Variants in DGKG observed in about 807,000 individuals in gnomAD.
The protein encoded by DGKG is DAG kinase gamma.
DGKG carries 78 observed loss-of-function variants against 105.3 expected under a neutral mutation model. That is an observed-to-expected ratio of 0.74 (90% confidence interval 0.62 to 0.89). DGKG has a LOEUF of 0.89. Ranked by LOEUF, DGKG falls within the 40% of genes least tolerant of loss-of-function variation. DGKG has a pLI of 0.00. For synonymous variants in DGKG, 346 were observed against 367.1 expected (o/e 0.94, Z 0.66); for missense variants, 958 against 1,020.1 (o/e 0.94, Z 0.83).
intron 1 of DGKG, among the ~76,000 whole-genome samples, chr3:186,334,704 A>C (rs1208745162): frequency 6.6e-6 from 1 of 152,210 alleles, no homozygotes; most frequent in Non-Finnish European, 1.5e-5. Flanking sequence ...AGGTGGATAC[A>C]AATATTATGC....
chr3:186,148,835 T>G lies in DGKG; in HGVS notation c.*1255A>C. 4.1e-6 allele frequency: 4 copies of G among 985,288 alleles called. No homozygotes were observed. Among genetic ancestry groups the G allele is most frequent in the East Asian group, 1.1e-4 (1 of 8,798 alleles). 61.0% of individuals were successfully genotyped at this position (985,288 alleles called of 1,614,324 possible). A position where few individuals can be genotyped will look rare whatever the true frequency, so the allele number is the denominator to read the frequency against. On this transcript the variant is annotated 3_prime_UTR_variant, in exon 25 of 25. Transcript: ENST00000265022. ...AACCCTTGTGATCACCACAGGGAGATGCGTCCTGACAATGAAACGGTGGAG... is the reference window on the plus strand; with the variant it reads ...AACCCTTGTGATCACCACAGGGAGAGGCGTCCTGACAATGAAACGGTGGAG...
chr3:186,337,105 A>G (rs2108656866), intron 1 of DGKG, among the ~76,000 whole-genome samples: 1 of 152,340 alleles, frequency 6.6e-6, no homozygotes, highest in East Asian at 1.9e-4. Context: ...GAGCATAGAA[A>G]AATATGTTAA....
intron 3 of DGKG, among the ~76,000 whole-genome samples, chr3:186,306,429 G>A (rs58867613): frequency 0.026 from 3,933 of 152,078 alleles, 174 homozygotes; most frequent in African/African-American, 0.085. Flanking sequence ...GGGAGTCTGG[G>A]GAAGATATGT....
At chr3:186,234,550 T>C (rs533974140) in intron 20 of DGKG, among the ~76,000 whole-genome samples, 1 of 152,338 alleles carries the variant, frequency 6.6e-6, no homozygotes, top group East Asian at 1.9e-4. Context: ...AAACATAGCG[T>C]GCTTTCAAGT....
At chr3:186,171,193 G>A (rs1179425219) in intron 22 of DGKG, among the ~76,000 whole-genome samples, 1 of 152,092 alleles carries the variant, frequency 6.6e-6, no homozygotes, top group Non-Finnish European at 1.5e-5. Flanking sequence ...GTTGAAGGCA[G>A]GACTGTGTTC....
intron 3 of DGKG, among the ~76,000 whole-genome samples, chr3:186,302,481 T>TAC (rs1240113011): frequency 9.1e-5 from 1 of 11,030 alleles, no homozygotes; most frequent in South Asian, 2.3e-3. Flanking sequence ...TATATATATA[T>TAC]ATATATATAT....
intron 21 of DGKG, among the ~76,000 whole-genome samples, chr3:186,199,852 G>A (rs756774005): frequency 6.6e-6 from 1 of 152,132 alleles, no homozygotes; most frequent in East Asian, 1.9e-4. Context: ...ACATTGACTC[G>A]GTGACACTAA....
In DGKG at chr3:186,278,610, T is replaced by A. The variant is rs997095742; in HGVS notation, c.792+1241A>T. Among the ~76,000 whole-genome samples, 21 of 152,294 alleles carry A rather than the reference T, an allele frequency of 1.4e-4. 1 individual carries two copies. Among genetic ancestry groups the A allele is most frequent in the African/African-American group, 5.1e-4 (21 of 41,562 alleles). On this transcript the variant is annotated intron_variant, in intron 9 of 24. Transcript: ENST00000265022. ...AGGAATAAGAAGGGGGTCATGTAGA[T>A]CCTGGTTCCTTGATTTCTCCTTAGA...
At chr3:186,267,403 A>G (rs1722106484) in intron 13 of DGKG, among the ~76,000 whole-genome samples, 1 of 152,200 alleles carries the variant, frequency 6.6e-6, no homozygotes, top group Admixed American at 6.5e-5. Flanking sequence ...GCACAAACCC[A>G]ACAGAGAGGA....
chr3:186,243,716 G>A (rs1442781243), intron 19 of DGKG, among the ~76,000 whole-genome samples: 3 of 152,132 alleles, frequency 2.0e-5, no homozygotes, highest in Non-Finnish European at 4.4e-5. Context: ...CAGGCTAATT[G>A]AGCCGGAGAT....
At chr3:186,186,919 C>A (rs928382612) in intron 22 of DGKG, among the ~76,000 whole-genome samples, 1 of 152,178 alleles carries the variant, frequency 6.6e-6, no homozygotes, top group African/African-American at 2.4e-5. Flanking sequence ...AGTGGAAGGC[C>A]CAGCTGGTGG....
At chr3:186,312,101 C>T (rs1342648877) in intron 2 of DGKG, among the ~76,000 whole-genome samples, 5 of 91,306 alleles carry the variant, frequency 5.5e-5, no homozygotes, top group South Asian at 3.7e-4. Context: ...CCGGCCTGGG[C>T]GACAGAGCGA....
At chr3:186,355,579 C>T (rs990099733) in intron 1 of DGKG, among the ~76,000 whole-genome samples, 22 of 151,600 alleles carry the variant, frequency 1.5e-4, no homozygotes, top group African/African-American at 4.8e-4. Flanking sequence ...ATTACCCCCA[C>T]CACCATCACC....
chr3:186,320,525 G>A lies in DGKG; in HGVS notation c.-66C>T. 1 of 1,613,082 alleles carries A rather than the reference G, an allele frequency of 6.2e-7. No homozygotes were observed. The highest frequency in any genetic ancestry group is 8.5e-7 in the Non-Finnish European group (1 of 1,179,400). On this transcript the variant is annotated 5_prime_UTR_variant, in exon 2 of 25. Transcript: ENST00000265022. ...TTTTGTTCACTAGGCTGAAGTGGAG[G>A]CCCAGCCCAGGGCCTGGCTCATTGC...
At position 186,164,924 on chromosome 3, in the gene DGKG, C is replaced by T. The variant is rs1483068867; in HGVS notation, c.2190G>A (p.Leu730=). 1 of 1,613,634 alleles carries T rather than the reference C, an allele frequency of 6.2e-7. No individual in the cohort carries two copies. The highest frequency in any genetic ancestry group is 8.5e-7 in the Non-Finnish European group (1 of 1,179,912). Residue 730 remains leucine (L), a synonymous_variant, in exon 23 of 25, where the codon CTG becomes CTA. Coordinates refer to ENST00000265022, the MANE Select transcript of DGKG (RefSeq NM_001346.3). The stretch of plus-strand genomic sequence containing the variant: ...TGATGGTGACAGAGGCGCACTGGGC[C>T]AGCCTCCTGCCTGCACTCTTCAGGC... ...YTGLKSAGRR[L]AQCASVTIRT... is the part of the protein sequence containing the mutation.
intron 5 of DGKG, among the ~76,000 whole-genome samples, chr3:186,292,903 T>TAC (rs113256809): frequency 7.2e-5 from 11 of 152,084 alleles, no homozygotes; most frequent in South Asian, 4.1e-4. Flanking sequence ...ACAAGGAGAT[T>TAC]ACACACACAC....
chr3:186,251,574 A>G (rs1333142084), intron 19 of DGKG, among the ~76,000 whole-genome samples, 185 bp downstream of exon 19: 1 of 152,194 alleles, frequency 6.6e-6, no homozygotes, highest in Admixed American at 6.5e-5. Context: ...GAGATGGGGA[A>G]TAAAGCGGGG....
intron 1 of DGKG, among the ~76,000 whole-genome samples, chr3:186,333,302 C>T (rs1725686194): frequency 6.6e-6 from 1 of 152,172 alleles, no homozygotes; most frequent in African/African-American, 2.4e-5. Context: ...GTTTTGTAAT[C>T]ACTGCTTTAC....
intron 1 of DGKG, 37 bp from the exon 2 acceptor site, chr3:186,320,744 G>T: frequency 9.3e-6 from 3 of 323,330 alleles, no homozygotes; most frequent in East Asian, 5.3e-5. Context: ...AAATGAGAAT[G>T]TTAAAAAAAA....
Sources: gnomAD v4.1 joint callset for allele counts (sites outside exome capture counted in the v4.1 genomes callset) on GRCh38, gnomAD v4.1.1 for gene constraint, MANE v1.5 for transcripts, NCBI Gene and HGNC (gene_info 2026-07-23, HGNC 2026-07-21) for gene names.